The following FRA10AC1 variants were observed in gnomAD, a reference collection of about 807,000 sequenced individuals.
FRA10AC1 encodes the protein FRA10A associated CGG repeat 1, also known as protein FRA10AC1.
Under a neutral mutation model 56.5 loss-of-function variants are expected in FRA10AC1, and 43 were observed. The observed-to-expected ratio is 0.76, with a 90% confidence interval of 0.60 to 0.98. The LOEUF (loss-of-function observed/expected upper bound fraction) is 0.98. Ranked by LOEUF, FRA10AC1 falls within the 50% of genes least tolerant of loss-of-function variation. The pLI, the probability that FRA10AC1 is intolerant of heterozygous loss-of-function variation, is 0.00. For missense variants in FRA10AC1, 346 were observed against 351.8 expected, an observed-to-expected ratio of 0.98 and a Z score of 0.13; for synonymous variants, 112 against 110.5, an observed-to-expected ratio of 1.01 and a Z score of -0.09.
chr10:93,682,736 C>G (rs1028102987), intron 10 of FRA10AC1, among the ~76,000 whole-genome samples: 1 of 152,100 alleles, frequency 6.6e-6, no homozygotes, highest in African/African-American at 2.4e-5. Context: ...GCCCAGGAGG[C>G]TGAGGCTGCA....
intron 2 of FRA10AC1, 89 bp downstream of exon 2, chr10:93,699,941 G>C (rs2275441): frequency 0.47 from 344,178 of 730,008 alleles, 85,226 homozygotes; most frequent in Non-Finnish European, 0.51. Flanking sequence ...CATGTAAACA[G>C]AATTCAAAAA....
rs2133953382 is a variant in FRA10AC1 at position 93,702,524 on chromosome 10, CG to C, written c.-151del. Reference sequence around the variant, plus strand: ...CGCACAGCCTCGCCACAACCACCACCGCCGCCGCCGCCGCCGCCGCCGCCCG... The same window carrying C: ...CGCACAGCCTCGCCACAACCACCACCCCGCCGCCGCCGCCGCCGCCGCCCG... On this transcript the variant is annotated 5_prime_UTR_variant, in exon 1 of 14. Transcript: ENST00000359204. The C allele has an allele frequency of 3.0e-5, 2 of 65,856 alleles. No individual in the cohort carries two copies. Among genetic ancestry groups the C allele is most frequent in the Non-Finnish European group, 8.6e-5 (2 of 23,284 alleles). The allele number at this position is 65,856 out of a possible 1,614,324, so 4.1% of individuals were successfully genotyped here.
chr10:93,679,691 T>C (rs2058900424), intron 11 of FRA10AC1, among the ~76,000 whole-genome samples: 1 of 152,150 alleles, frequency 6.6e-6, no homozygotes, highest in African/African-American at 2.4e-5. Flanking sequence ...GTCCAGGATT[T>C]TGCTTATCAG....
chr10:93,681,422 C>T, intron 11 of FRA10AC1, 58 bp downstream of exon 11: 1 of 1,075,074 alleles, frequency 9.3e-7, no homozygotes. Context: ...TGAAATATGG[C>T]AGATTATATT....
chr10:93,698,054 C>T (rs2059261658), intron 4 of FRA10AC1, 82 bp downstream of exon 4: 2 of 785,810 alleles, frequency 2.5e-6, no homozygotes, highest in African/African-American at 1.8e-5. Context: ...GCCTATTTGA[C>T]TTCACAAGAT....
intron 12 of FRA10AC1, chr10:93,671,587 C>T (rs956773281): frequency 1.9e-5 from 3 of 160,968 alleles, no homozygotes; most frequent in African/African-American, 7.2e-5. Flanking sequence ...TAATTCCCCA[C>T]CAATTAGGGA....
chr10:93,694,713 TAAAAAAAAAAAAAAA>T (rs10554752), intron 5 of FRA10AC1, 133 bp downstream of exon 5: 28 of 240,610 alleles, frequency 1.2e-4, no homozygotes, highest in African/African-American at 4.1e-4. Flanking sequence ...GACTCCATCT[TAAAAAAAAAAAAAAA>T]AAAAAAAAAA....
At chr10:93,676,585 T>C in intron 12 of FRA10AC1, 68 bp downstream of exon 12, 1 of 1,488,872 alleles carries the variant, frequency 6.7e-7, no homozygotes, top group Non-Finnish European at 8.9e-7. Flanking sequence ...CAAGATACGA[T>C]TCATGGGAAA....
At chr10:93,675,475 G>C (rs1374335441) in intron 12 of FRA10AC1, 1 of 153,298 alleles carries the variant, frequency 6.5e-6, no homozygotes, top group Non-Finnish European at 1.5e-5. Context: ...GGGAGGCCGA[G>C]GCAGGCAGAT....
intron 4 of FRA10AC1, among the ~76,000 whole-genome samples, chr10:93,695,913 G>A (rs994486460): frequency 1.5e-4 from 23 of 152,014 alleles, no homozygotes; most frequent in African/African-American, 5.3e-4. Context: ...CAAGCCATAT[G>A]GTCTCTGTTG....
intron 12 of FRA10AC1, chr10:93,673,713 T>C (rs1403460110): frequency 2.4e-6 from 1 of 414,888 alleles, no homozygotes; most frequent in Admixed American, 3.1e-5. Flanking sequence ...ATAACAATGA[T>C]AGCTACAGGT....
chr10:93,667,898 C>CAATTT lies in FRA10AC1; in HGVS notation c.*1923_*1927dup. The CAATTT allele has an allele frequency of 6.6e-6, 1 of 152,052 alleles. No homozygotes were observed. The highest frequency in any genetic ancestry group is 6.6e-5 in the Admixed American group (1 of 15,258). 9.4% of individuals were successfully genotyped at this position (152,052 alleles called of 1,614,324 possible). A position where few individuals can be genotyped will look rare whatever the true frequency, so the allele number is the denominator to read the frequency against. ...CTACAAGTAGTGAGGTGAAAAAAAA[C>CAATTT]AATTTATTCAAGAAGTGAGGGGACT... On this transcript the variant is annotated 3_prime_UTR_variant, in exon 14 of 14. Transcript: ENST00000359204.
chr10:93,680,379 T>C (rs540665523), intron 11 of FRA10AC1, among the ~76,000 whole-genome samples: 77 of 152,296 alleles, frequency 5.1e-4, no homozygotes, highest in African/African-American at 1.8e-3. Context: ...ACAAATGCCA[T>C]CTCTCAATAA....
At chr10:93,697,030 T>C (rs1417945891) in intron 4 of FRA10AC1, among the ~76,000 whole-genome samples, 1 of 152,128 alleles carries the variant, frequency 6.6e-6, no homozygotes, top group African/African-American at 2.4e-5. Context: ...GTAACAATCC[T>C]GCACGTTCTG....
At chr10:93,675,722 A>G in intron 12 of FRA10AC1, 1 of 320,674 alleles carries the variant, frequency 3.1e-6, no homozygotes. Flanking sequence ...ATAAAATAAA[A>G]TAACTAAGTA....
chr10:93,689,182 A>G (rs1428234534), intron 7 of FRA10AC1, among the ~76,000 whole-genome samples: 1 of 150,628 alleles, frequency 6.6e-6, no homozygotes, highest in Non-Finnish European at 1.5e-5. Flanking sequence ...CTGGTTTTGA[A>G]CTCCTGGCCT....
At chr10:93,674,453 G>C (rs1051919910) in intron 12 of FRA10AC1, 1 of 152,144 alleles carries the variant, frequency 6.6e-6, no homozygotes, top group Admixed American at 6.5e-5. Flanking sequence ...AGGATATCTG[G>C]GGTTGGCATA....
intron 11 of FRA10AC1, among the ~76,000 whole-genome samples, chr10:93,678,631 G>A (rs1395330561): frequency 3.9e-5 from 6 of 152,090 alleles, no homozygotes; most frequent in Admixed American, 2.0e-4. Context: ...AGGAGTTTGA[G>A]ACCAGTCTGG....
At chr10:93,681,063 GT>G (rs1203354613) in intron 11 of FRA10AC1, among the ~76,000 whole-genome samples, 1 of 152,148 alleles carries the variant, frequency 6.6e-6, no homozygotes, top group Non-Finnish European at 1.5e-5. Context: ...ATTATAGACT[GT>G]TTAAAGGCAC....
Sources: gnomAD v4.1 joint callset for allele counts (sites outside exome capture counted in the v4.1 genomes callset) on GRCh38, gnomAD v4.1.1 for gene constraint, MANE v1.5 for transcripts, NCBI Gene and HGNC (gene_info 2026-07-23, HGNC 2026-07-21) for gene names.